The following EPB41L3 variants were observed in gnomAD, a reference collection of about 807,000 sequenced individuals.
The protein encoded by EPB41L3 is erythrocyte membrane protein band 4.1 like 3.
In EPB41L3, 57 loss-of-function variants were observed where a neutral mutation model predicts 127.1. That is an observed-to-expected ratio of 0.45 (90% CI 0.36 to 0.56). The LOEUF (loss-of-function observed/expected upper bound fraction) is 0.56. EPB41L3 is among the 20% of genes least tolerant of loss of function. The pLI, the probability that EPB41L3 is intolerant of heterozygous loss-of-function variation, is 0.00. For synonymous variants in EPB41L3, 572 were observed against 549.5 expected, an observed-to-expected ratio of 1.04 and a Z score of -0.57; for missense variants, 1,273 against 1,372.2, an observed-to-expected ratio of 0.93 and a Z score of 1.14.
At chr18:5,469,826 T>C (rs903728582) in intron 3 of EPB41L3, among the ~76,000 whole-genome samples, 1 of 148,476 alleles carries the variant, frequency 6.7e-6, no homozygotes, top group African/African-American at 2.5e-5. Flanking sequence ...CAGGCTGGAG[T>C]GCACTGGCGC....
intron 3 of EPB41L3, among the ~76,000 whole-genome samples, chr18:5,580,874 A>G (rs2094387855): frequency 6.6e-6 from 1 of 152,188 alleles, no homozygotes; most frequent in Non-Finnish European, 1.5e-5. Flanking sequence ...CTGGCCTCAT[A>G]ACGTCCATTC....
chr18:5,420,863 T>C (rs1292234245), intron 11 of EPB41L3, among the ~76,000 whole-genome samples: 3 of 152,200 alleles, frequency 2.0e-5, no homozygotes, highest in African/African-American at 7.2e-5. Context: ...AAGAAAGGAT[T>C]CTGAAATGAA....
chr18:5,489,053 G>T lies in EPB41L3; in HGVS notation c.131C>A (p.Ala44Asp). 1 of 1,595,820 alleles carries T rather than the reference G, an allele frequency of 6.3e-7. No homozygotes were observed. Residue 44 changes from alanine (A) to aspartate (D), a missense_variant, in exon 2 of 23, where the codon GCC becomes GAC. Ala to Asp is a moderately radical substitution (Grantham distance 126). Around this residue, in one of 3 missense-constraint regions of EPB41L3, gnomAD observed 182 missense variants for 149.2 expected, o/e 1.22. Transcript: ENST00000341928. ...TGCAGCGGCGGCGAACTGCTCCAGGGCCTGCTGCTGCTCCTCCTTGGGCGG... is the reference window on the plus strand; with the variant it reads ...TGCAGCGGCGGCGAACTGCTCCAGGTCCTGCTGCTGCTCCTCCTTGGGCGG... Reference protein sequence around the residue: ...PEPPKEEQQQALEQFAAAAAH... With the variant: ...PEPPKEEQQQDLEQFAAAAAH...
intron 13 of EPB41L3, among the ~76,000 whole-genome samples, chr18:5,415,010 G>A (rs1025672119): frequency 1.3e-5 from 2 of 152,212 alleles, no homozygotes; most frequent in African/African-American, 2.4e-5. Flanking sequence ...GTGAAAATGG[G>A]GGGATTTTGA....
At chr18:5,618,702 G>GT (rs1394734762) in intron 1 of EPB41L3, among the ~76,000 whole-genome samples, 1 of 151,970 alleles carries the variant, frequency 6.6e-6, no homozygotes, top group Non-Finnish European at 1.5e-5. Context: ...ATGAAAAGTG[G>GT]TAAAAAAAAA....
chr18:5,474,845 T>C (rs1281505223), intron 3 of EPB41L3, among the ~76,000 whole-genome samples: 1 of 152,144 alleles, frequency 6.6e-6, no homozygotes, highest in Non-Finnish European at 1.5e-5. Context: ...AGGCAGCATC[T>C]GAGGAATCAG....
At chr18:5,414,953 A>G (rs1431178629) in intron 13 of EPB41L3, among the ~76,000 whole-genome samples, 1 of 152,204 alleles carries the variant, frequency 6.6e-6, no homozygotes, top group Non-Finnish European at 1.5e-5. Flanking sequence ...TTCGCCCACT[A>G]TGTCCATGTC....
At chr18:5,602,889 A>G (rs1386683220) in intron 3 of EPB41L3, among the ~76,000 whole-genome samples, 1 of 152,262 alleles carries the variant, frequency 6.6e-6, no homozygotes, top group Non-Finnish European at 1.5e-5. Flanking sequence ...AGATTTTAGA[A>G]TAAATTTCTC....
intron 3 of EPB41L3, among the ~76,000 whole-genome samples, chr18:5,571,844 A>T (rs2094284741): frequency 6.6e-6 from 1 of 152,136 alleles, no homozygotes. Flanking sequence ...ATAAGCCAAG[A>T]CTCTGGGTTG....
chr18:5,398,639 G>T, intron 16 of EPB41L3: 1 of 401,458 alleles, frequency 2.5e-6, no homozygotes, highest in South Asian at 1.3e-4. Context: ...CCCAATGAGT[G>T]ACACTGGTTA....
At chr18:5,561,014 G>C (rs570758119) in intron 3 of EPB41L3, among the ~76,000 whole-genome samples, 1 of 143,876 alleles carries the variant, frequency 7.0e-6, no homozygotes, top group Middle Eastern at 3.3e-3. Flanking sequence ...GTCTCGCTCT[G>C]TCGCCCAGGC....
rs8098051 is a variant in EPB41L3, at chr18:5,570,019, G to A, written c.-306+42321C>T. ...GGATGGTTATTGTAATTCTTACAAG[G>A]AGATATTACACAGTGATGCTCTCAG... On this transcript the variant is annotated intron_variant, in intron 3 of 21. Transcript: ENST00000545076. Among the ~76,000 whole-genome samples the A allele has an allele frequency of 4.4e-3, 677 of 152,246 alleles. 4 individuals carry two copies. Among genetic ancestry groups the A allele is most frequent in the African/African-American group, 0.015 (634 of 41,546 alleles).
intron 1 of EPB41L3, among the ~76,000 whole-genome samples, chr18:5,490,859 A>G (rs2090508589): frequency 6.6e-6 from 1 of 152,202 alleles, no homozygotes; most frequent in South Asian, 2.1e-4. Context: ...TTAATAGTCA[A>G]TTCAACCCAC....
At chr18:5,504,213 T>C (rs1377654731) in intron 1 of EPB41L3, among the ~76,000 whole-genome samples, 1 of 152,190 alleles carries the variant, frequency 6.6e-6, no homozygotes, top group Non-Finnish European at 1.5e-5. Flanking sequence ...TACCCAGGAC[T>C]TTCAGTTCAA....
rs1401510003 is a variant in EPB41L3 at position 5,530,016 on chromosome 18, C to G, written c.-12+13897G>C. Among the ~76,000 whole-genome samples, 4 of 151,704 alleles carry G rather than the reference C, an allele frequency of 2.6e-5. No individual in the cohort carries two copies. In the East Asian group the frequency reaches 7.8e-4, roughly 30 times the overall value. On this transcript the variant is annotated intron_variant, in intron 1 of 22. Coordinates refer to ENST00000341928, the MANE Select transcript of EPB41L3 (RefSeq NM_012307.5). ...CCCTCTCCCTCACCTCCCACCATAC[C>G]CAACATGTCACTAAGTCTCAAAATT...
chr18:5,476,683 A>T (rs2087299919), intron 3 of EPB41L3, among the ~76,000 whole-genome samples: 2 of 152,064 alleles, frequency 1.3e-5, no homozygotes, highest in Non-Finnish European at 2.9e-5. Flanking sequence ...CTTGACTTGG[A>T]TCAATTTTTC....
At chr18:5,622,826 A>G (rs2094878659) in intron 1 of EPB41L3, among the ~76,000 whole-genome samples, 1 of 152,184 alleles carries the variant, frequency 6.6e-6, no homozygotes, top group African/African-American at 2.4e-5. Flanking sequence ...TTTTTTACTT[A>G]AAGGTGAATA....
intron 22 of EPB41L3, chr18:5,393,692 A>AT (rs952383842): frequency 5.4e-5 from 24 of 446,012 alleles, no homozygotes; most frequent in South Asian, 9.7e-5. Flanking sequence ...AATCTGTTTT[A>AT]TTTTTTTTGC....
intron 3 of EPB41L3, among the ~76,000 whole-genome samples, chr18:5,459,438 A>G (rs1042436639): frequency 6.6e-6 from 1 of 150,706 alleles, no homozygotes; most frequent in Non-Finnish European, 1.5e-5. Context: ...ATGAATTATT[A>G]ATTTTTGACT....
Sources: allele counts gnomAD v4.1 joint callset (sites outside exome capture counted in the v4.1 genomes callset), GRCh38; gene constraint gnomAD v4.1.1; regional missense constraint gnomAD v4.1.1; transcripts MANE v1.5; gene names NCBI Gene and HGNC (gene_info 2026-07-23, HGNC 2026-07-21).